Variants in CACHD1 observed in about 807,000 individuals in gnomAD.
CACHD1 encodes cache domain containing 1.
Under a neutral mutation model 138.7 loss-of-function variants are expected in CACHD1, and 71 were observed. That is an observed-to-expected ratio of 0.51 (90% confidence interval 0.42 to 0.62). The LOEUF (loss-of-function observed/expected upper bound fraction) is 0.62. CACHD1 is among the 20% of genes least tolerant of loss of function. The pLI, the probability that CACHD1 is intolerant of heterozygous loss-of-function variation, is 0.00. For missense variants in CACHD1, 1,389 were observed against 1,625.3 expected (o/e 0.85, Z 2.50); for synonymous variants, 578 against 591.5 (o/e 0.98, Z 0.33).
intron 4 of CACHD1, among the ~76,000 whole-genome samples, chr1:64,623,970 AT>A (rs1306911644): frequency 6.6e-6 from 1 of 152,242 alleles, no homozygotes; most frequent in Non-Finnish European, 1.5e-5. Context: ...AGCCCAAGTT[AT>A]CCGGTGGCTA....
intron 4 of CACHD1, among the ~76,000 whole-genome samples, chr1:64,626,301 G>C (rs1648098619): frequency 6.6e-6 from 1 of 152,076 alleles, no homozygotes. Flanking sequence ...AATTTTAATG[G>C]CTGTCACATG....
At position 64,470,797 on chromosome 1, in the gene CACHD1, C is replaced by T; in HGVS notation, c.53C>T (p.Pro18Leu). Residue 18 changes from proline (P) to leucine (L), a missense_variant, in exon 1 of 27, where the codon CCG becomes CTG. Coordinates refer to ENST00000651257, the MANE Select transcript of CACHD1 (RefSeq NM_020925.4). The surrounding 1 kb of genome is among the most constrained non-coding windows in gnomAD (Gnocchi z 5.2). The part of the protein sequence containing the change: ...EETAVARARR[P>L]PLWLLCLVAC... ...ACGGCCGTGGCCCGGGCGCGGCGGC[C>T]GCCCCTCTGGCTGCTCTGCCTGGTC... The T allele has an allele frequency of 8.0e-7, 1 of 1,247,076 alleles. No individual in the cohort carries two copies. Among genetic ancestry groups the T allele is most frequent in the Non-Finnish European group, 1.1e-6 (1 of 894,102 alleles). 77.3% of individuals were successfully genotyped at this position (1,247,076 alleles called of 1,614,324 possible).
chr1:64,583,283 C>T (rs1427854156), intron 3 of CACHD1, among the ~76,000 whole-genome samples: 1 of 152,072 alleles, frequency 6.6e-6, no homozygotes, highest in African/African-American at 2.4e-5. Context: ...GTCTGGCTTA[C>T]CCTGTCTGTG....
At chr1:64,483,869 C>T (rs936369556) in intron 1 of CACHD1, among the ~76,000 whole-genome samples, 6 of 144,856 alleles carry the variant, frequency 4.1e-5, no homozygotes, top group Non-Finnish European at 7.5e-5. Flanking sequence ...TACCTTCCCC[C>T]CCCCCCTTGC....
intron 26 of CACHD1, among the ~76,000 whole-genome samples, chr1:64,685,898 T>C (rs565187273): frequency 1.3e-5 from 2 of 150,490 alleles, no homozygotes; most frequent in Admixed American, 6.6e-5. Context: ...GAGGATGAAA[T>C]GAAATGACAT....
chr1:64,616,535 T>C lies in CACHD1; in HGVS notation c.518-12820T>C, dbSNP rs369724936. On this transcript the variant is annotated intron_variant, in intron 4 of 26. Transcript: ENST00000651257. Reference sequence around the variant, plus strand: ...TGGCAAGCATGCATTTTGGAATCTATAAAATATGCATGCAGAATGGATCAT... The same window carrying C: ...TGGCAAGCATGCATTTTGGAATCTACAAAATATGCATGCAGAATGGATCAT... 6.6e-5 allele frequency among the ~76,000 whole-genome samples: 10 copies of C among 152,302 alleles called. No individual in the cohort carries two copies. In the East Asian group the frequency reaches 1.5e-3, roughly 24 times the overall value.
intron 26 of CACHD1, among the ~76,000 whole-genome samples, chr1:64,689,322 G>A (rs1041054612): frequency 6.6e-6 from 1 of 152,098 alleles, no homozygotes; most frequent in Non-Finnish European, 1.5e-5. Flanking sequence ...CAATCTGTGA[G>A]TTGTCCTTTC....
At chr1:64,622,388 C>A (rs143518245) in intron 4 of CACHD1, among the ~76,000 whole-genome samples, 1 of 152,274 alleles carries the variant, frequency 6.6e-6, no homozygotes, top group Non-Finnish European at 1.5e-5. Flanking sequence ...CAGCTTTAGC[C>A]GTTCAGCAGT....
chr1:64,581,268 G>A (rs940262507), intron 2 of CACHD1, among the ~76,000 whole-genome samples: 14 of 152,138 alleles, frequency 9.2e-5, no homozygotes, highest in Admixed American at 7.2e-4. Flanking sequence ...TGTGTGAGAC[G>A]CATGACCCAA....
intron 3 of CACHD1, among the ~76,000 whole-genome samples, chr1:64,598,404 GAAATAC>G (rs2100570251): frequency 6.6e-6 from 1 of 152,316 alleles, no homozygotes; most frequent in South Asian, 2.1e-4. Context: ...AGACTCTTAT[GAAATAC>G]AGTAGATGTT....
intron 1 of CACHD1, among the ~76,000 whole-genome samples, chr1:64,472,974 A>T (rs1027698047): frequency 1.3e-5 from 2 of 152,016 alleles, no homozygotes; most frequent in Non-Finnish European, 2.9e-5. Context: ...ATCCCAACAC[A>T]TTGTCATTCA....
intron 1 of CACHD1, among the ~76,000 whole-genome samples, chr1:64,516,153 A>C (rs1302917013): frequency 6.6e-6 from 1 of 152,238 alleles, no homozygotes; most frequent in African/African-American, 2.4e-5. Flanking sequence ...GGACAAAGTA[A>C]CATGGGTTCT....
At position 64,691,856 on chromosome 1, in the gene CACHD1, C is replaced by T. The variant is rs998067754; in HGVS notation, c.*295C>T. Reference sequence around the variant, plus strand: ...GAAGGCGAACCTCCAAACACAGAGACGGAACCTGCAAGTGAAGCTGAGCCA... The same window carrying T: ...GAAGGCGAACCTCCAAACACAGAGATGGAACCTGCAAGTGAAGCTGAGCCA... On this transcript the variant is annotated 3_prime_UTR_variant, in exon 27 of 27. Coordinates refer to ENST00000651257, the MANE Select transcript of CACHD1 (RefSeq NM_020925.4). 27 of 374,830 alleles carry T rather than the reference C, an allele frequency of 7.2e-5. 1 individual carries two copies. Among genetic ancestry groups the T allele is most frequent in the South Asian group, 4.8e-4 (13 of 26,862 alleles). 23.2% of individuals were successfully genotyped at this position (374,830 alleles called of 1,614,324 possible).
intron 3 of CACHD1, among the ~76,000 whole-genome samples, chr1:64,587,968 T>A (rs1647064137): frequency 1.3e-5 from 2 of 151,730 alleles, no homozygotes. Context: ...ATATCTCTCC[T>A]CTCTTGAAAA....
At chr1:64,565,191 C>T (rs1219227497) in intron 2 of CACHD1, among the ~76,000 whole-genome samples, 1 of 151,714 alleles carries the variant, frequency 6.6e-6, no homozygotes, top group African/African-American at 2.4e-5. Flanking sequence ...GAATTCCGTT[C>T]TTTCTTTGTC....
intron 1 of CACHD1, among the ~76,000 whole-genome samples, chr1:64,523,252 A>T (rs1333164387): frequency 6.6e-6 from 1 of 152,252 alleles, no homozygotes; most frequent in Non-Finnish European, 1.5e-5. Flanking sequence ...GAAAGTGAGC[A>T]TATAGATGAA....
At chr1:64,660,459 TG>T (rs1357868373) in intron 13 of CACHD1, among the ~76,000 whole-genome samples, 1 of 152,182 alleles carries the variant, frequency 6.6e-6, no homozygotes, top group Non-Finnish European at 1.5e-5. Context: ...AATGCTATTG[TG>T]GATATACTGG....
chr1:64,685,140 C>T (rs1035489293), intron 26 of CACHD1, among the ~76,000 whole-genome samples: 9 of 152,204 alleles, frequency 5.9e-5, no homozygotes, highest in Middle Eastern at 6.8e-3. Flanking sequence ...ATCTTTTATA[C>T]GGTATTTTTC....
chr1:64,494,871 C>A (rs1646297704), intron 1 of CACHD1, among the ~76,000 whole-genome samples: 1 of 152,260 alleles, frequency 6.6e-6, no homozygotes, highest in East Asian at 1.9e-4. Flanking sequence ...GTGAAAGCCA[C>A]GAAGTGGTAG....
Sources: allele counts gnomAD v4.1 joint callset (sites outside exome capture counted in the v4.1 genomes callset), GRCh38; gene constraint gnomAD v4.1.1; non-coding constraint Gnocchi (gnomAD v3.1); transcripts MANE v1.5; gene names NCBI Gene and HGNC (gene_info 2026-07-23, HGNC 2026-07-21).